Variants in HMCN1 observed in about 807,000 individuals in gnomAD.
HMCN1 encodes hemicentin 1.
A neutral mutation model predicts 625.9 loss-of-function variants in HMCN1; 321 were observed. That is an observed-to-expected ratio of 0.51 (90% CI 0.47 to 0.56). HMCN1 has a LOEUF of 0.56. Ranked by LOEUF, HMCN1 falls within the 20% of genes least tolerant of loss-of-function variation. The probability of loss-of-function intolerance (pLI) is 0.00; values close to 1 mark genes in which losing one functional copy is unlikely to be tolerated. For synonymous variants in HMCN1, 2,425 were observed against 2,417.6 expected (o/e 1.00, Z -0.09); for missense variants, 6,588 against 6,887.3 (o/e 0.96, Z 1.54).
rs753816589 is a variant in HMCN1 at position 186,090,889 on chromosome 1, A to G, written c.9859A>G (p.Ile3287Val). 6.2e-6 allele frequency: 10 copies of G among 1,612,320 alleles called. No homozygotes were observed. Among genetic ancestry groups the G allele is most frequent in the Non-Finnish European group, 8.5e-6 (10 of 1,178,766 alleles). Residue 3287 changes from isoleucine (I) to valine (V), a missense_variant, in exon 64 of 107, where the codon ATA becomes GTA. Ile to Val is a conservative substitution (Grantham distance 29). Transcript: ENST00000271588. Reference protein sequence around the residue: ...LIQWLKDGKPIASGETERIRV... With the variant: ...LIQWLKDGKPVASGETERIRV... ...TCAATGGCTTAAAGATGGAAAGCCCATAGCTAGTGGTGAAACAGAAAGAAT... is the reference window on the plus strand; with the variant it reads ...TCAATGGCTTAAAGATGGAAAGCCCGTAGCTAGTGGTGAAACAGAAAGAAT...
intron 1 of HMCN1, among the ~76,000 whole-genome samples, chr1:185,807,177 A>G (rs1256047329): frequency 1.3e-5 from 2 of 152,200 alleles, no homozygotes; most frequent in Admixed American, 1.3e-4. Context: ...CTGAATATGA[A>G]GACTTTTAAC....
chr1:185,763,218 A>G (rs1375037736), intron 1 of HMCN1, among the ~76,000 whole-genome samples: 1 of 152,182 alleles, frequency 6.6e-6, no homozygotes, highest in Non-Finnish European at 1.5e-5. Flanking sequence ...GGCGACATTA[A>G]AGCAGACACC....
At chr1:186,023,806 G>A (rs149728473) in intron 36 of HMCN1, among the ~76,000 whole-genome samples, 1 of 152,046 alleles carries the variant, frequency 6.6e-6, no homozygotes, top group Non-Finnish European at 1.5e-5. Context: ...TTCTTCTTCA[G>A]CCTTTTATTA....
intron 15 of HMCN1, among the ~76,000 whole-genome samples, chr1:185,974,791 C>A (rs904621430): frequency 6.6e-6 from 1 of 152,142 alleles, no homozygotes; most frequent in Non-Finnish European, 1.5e-5. Flanking sequence ...TACATATATT[C>A]TTTGACCTTG....
At chr1:186,188,401 T>C (rs1653489114) in intron 106 of HMCN1, among the ~76,000 whole-genome samples, 2 of 152,186 alleles carry the variant, frequency 1.3e-5, no homozygotes, top group Non-Finnish European at 2.9e-5. Context: ...GAAGCATCTT[T>C]TCTGTTGCTT....
Position 186,094,264 on chromosome 1 carries a change from A to T in HMCN1, c.10197-12A>T. On this transcript the variant is annotated splice_polypyrimidine_tract_variant and intron_variant, in intron 66 of 106. Coordinates refer to ENST00000271588, the MANE Select transcript of HMCN1 (RefSeq NM_031935.3). ...GAGCAAGTGATGAAATGTGGATCAA[A>T]TTGTTTCTCAGGATTGTGAGAGCTC... is the stretch of plus-strand genomic sequence containing the variant. 2 of 1,603,072 alleles carry T rather than the reference A, an allele frequency of 1.2e-6. No homozygotes were observed. The highest frequency in any genetic ancestry group is 8.5e-7 in the Non-Finnish European group (1 of 1,170,312).
At chr1:186,150,268 T>C (rs1355393139) in intron 93 of HMCN1, among the ~76,000 whole-genome samples, 3 of 152,232 alleles carry the variant, frequency 2.0e-5, no homozygotes, top group African/African-American at 7.2e-5. Flanking sequence ...TGAATATTTA[T>C]GGATTTGACT....
At chr1:186,181,847 T>C (rs1652954068) in intron 104 of HMCN1, among the ~76,000 whole-genome samples, 1 of 152,164 alleles carries the variant, frequency 6.6e-6, no homozygotes, top group South Asian at 2.1e-4. Flanking sequence ...TAGGATCCTG[T>C]CTACATTTGT....
chr1:185,891,821 G>A (rs1665107857), intron 4 of HMCN1, among the ~76,000 whole-genome samples: 1 of 147,740 alleles, frequency 6.8e-6, no homozygotes, highest in Admixed American at 6.6e-5. Context: ...GTATCTTTGT[G>A]GCGTTCTCTC....
At chr1:186,028,275 A>G (rs1655192390) in intron 36 of HMCN1, among the ~76,000 whole-genome samples, 1 of 152,190 alleles carries the variant, frequency 6.6e-6, no homozygotes, top group African/African-American at 2.4e-5. Flanking sequence ...AGCAAATTGA[A>G]TGGAATTCAA....
Position 186,001,195 on chromosome 1 carries a change from C to T in HMCN1, c.4070-103C>T, listed in dbSNP as rs190154925. The stretch of plus-strand genomic sequence containing the variant: ...CTTAAATATGTCTAGCTTTTCTAGC[C>T]ATCAAATATTTCAGAATTTGCTGTA... On this transcript the variant is annotated intron_variant, in intron 26 of 106. Transcript: ENST00000271588. 7,055 of 1,000,946 alleles carry T rather than the reference C, an allele frequency of 7.0e-3. 37 individuals are homozygous for T. Among genetic ancestry groups the T allele is most frequent in the Non-Finnish European group, 8.4e-3 (5,565 of 659,306 alleles). 62.0% of individuals were successfully genotyped at this position (1,000,946 alleles called of 1,614,324 possible).
rs1387145622 is a variant in HMCN1, at chr1:186,106,938, G to A, written c.10825G>A (p.Asp3609Asn). 3 of 1,612,142 alleles carry A rather than the reference G, an allele frequency of 1.9e-6. No homozygotes were observed. The highest frequency in any genetic ancestry group is 2.2e-5 in the South Asian group (2 of 91,054). The stretch of plus-strand genomic sequence containing the variant: ...GGCATCCAGTCCTGCAGGAGATGAT[G>A]ATAAGGAATATCTAGTGAGAGTGCA... ...CLASSPAGDDDKEYLVRVHVP... is the reference protein window; with the variant it reads ...CLASSPAGDDNKEYLVRVHVP... The change falls in exon 70 of 107, where the codon GAT becomes AAT. Residue 3609 changes from aspartate (D) to asparagine (N), a missense_variant. Transcript: ENST00000271588.
intron 4 of HMCN1, among the ~76,000 whole-genome samples, chr1:185,894,293 A>C (rs1213023042): frequency 6.7e-6 from 1 of 149,518 alleles, no homozygotes; most frequent in Non-Finnish European, 1.5e-5. Context: ...TAAGTTTGTG[A>C]GATTCAGCCA....
intron 93 of HMCN1, among the ~76,000 whole-genome samples, chr1:186,148,936 T>A (rs1650498511): frequency 1.7e-5 from 1 of 58,658 alleles, no homozygotes; most frequent in African/African-American, 1.7e-4. Flanking sequence ...GAAAGGAATC[T>A]TTTTTTTTTT....
intron 81 of HMCN1, among the ~76,000 whole-genome samples, chr1:186,124,627 A>T (rs1478297797): frequency 6.6e-6 from 1 of 152,084 alleles, no homozygotes; most frequent in Admixed American, 6.6e-5. Context: ...TAATGTTTGT[A>T]TATTTAATCA....
At chr1:185,933,912 G>T in intron 11 of HMCN1, 88 bp downstream of exon 11, 1 of 1,123,766 alleles carries the variant, frequency 8.9e-7, no homozygotes, top group Non-Finnish European at 1.3e-6. Context: ...CTATCTGAGA[G>T]TGAGAGTATC....
intron 93 of HMCN1, among the ~76,000 whole-genome samples, chr1:186,146,299 G>A (rs1415856842): frequency 6.6e-6 from 1 of 152,178 alleles, no homozygotes. Flanking sequence ...ATGAGCGTGG[G>A]AAGTAAAATA....
chr1:185,919,558 C>A (rs774082467), intron 6 of HMCN1, among the ~76,000 whole-genome samples: 15 of 152,190 alleles, frequency 9.9e-5, no homozygotes, highest in Non-Finnish European at 1.8e-4. Context: ...CAGTACATTT[C>A]TCTGCTTCTT....
chr1:185,883,951 G>C (rs1443165753), intron 4 of HMCN1, among the ~76,000 whole-genome samples: 4 of 127,630 alleles, frequency 3.1e-5, no homozygotes, highest in Non-Finnish European at 4.7e-5. Context: ...CTAGATATTA[G>C]TTATTGTTGA....
Sources: allele counts gnomAD v4.1 joint callset (sites outside exome capture counted in the v4.1 genomes callset), GRCh38; gene constraint gnomAD v4.1.1; transcripts MANE v1.5; gene names NCBI Gene and HGNC (gene_info 2026-07-23, HGNC 2026-07-21).